ANKFN1: variants seen among roughly 807,000 people sequenced by gnomAD.
ANKFN1 encodes the protein ankyrin repeat and fibronectin type III domain containing 1.
Under a neutral mutation model 108.7 loss-of-function variants are expected in ANKFN1, and 74 were observed. That is an observed-to-expected ratio of 0.68 (90% CI 0.56 to 0.83). The LOEUF (loss-of-function observed/expected upper bound fraction) is 0.83, where lower values mean the gene tolerates loss of function less well. Among genes scored for constraint, ANKFN1 ranks in the 40% least tolerant of loss-of-function variants. The probability of loss-of-function intolerance (pLI) is 0.00; values close to 1 mark genes in which losing one functional copy is unlikely to be tolerated. For missense variants in ANKFN1, 1,505 were observed against 1,382.3 expected, an observed-to-expected ratio of 1.09 and a Z score of -1.41; for synonymous variants, 547 against 516.2, an observed-to-expected ratio of 1.06 and a Z score of -0.81.
At chr17:56,056,621 A>G (rs1232875056) in intron 4 of ANKFN1, among the ~76,000 whole-genome samples, 1 of 152,232 alleles carries the variant, frequency 6.6e-6, no homozygotes, top group African/African-American at 2.4e-5. Flanking sequence ...GGCTAGACAT[A>G]TGCAGAAGAA....
intron 19 of ANKFN1, among the ~76,000 whole-genome samples, chr17:56,493,912 A>G (rs1450273314): frequency 6.6e-6 from 1 of 152,148 alleles, no homozygotes; most frequent in Non-Finnish European, 1.5e-5. Flanking sequence ...CTCAGTCCCA[A>G]CAGTCCCAAT....
intron 1 of ANKFN1, among the ~76,000 whole-genome samples, chr17:56,187,412 C>T (rs539349341): frequency 1.3e-5 from 2 of 152,002 alleles, no homozygotes. Flanking sequence ...GTTAGAATGG[C>T]GATCATTAAA....
chr17:56,374,503 C>A, intron 7 of ANKFN1, 98 bp from the exon 8 acceptor site: 1 of 863,192 alleles, frequency 1.2e-6, no homozygotes, highest in Non-Finnish European at 1.9e-6. Flanking sequence ...ACAAATGTTT[C>A]CATAGTATTC....
chr17:56,479,126 A>G (rs2050610553), intron 16 of ANKFN1, among the ~76,000 whole-genome samples: 3 of 152,192 alleles, frequency 2.0e-5, no homozygotes, highest in Non-Finnish European at 4.4e-5. Context: ...TTGTGTCTTA[A>G]AGGCTTGAAC....
rs1260266795 is a variant in ANKFN1 at position 56,483,051 on chromosome 17, T to C, written c.2260+527T>C. ...ACAATTTTAAGTAGCACTGACTTAT[T>C]AAATAGACTCTAAATTTCTGACAGA... On this transcript the variant is annotated intron_variant, in intron 18 of 20. Coordinates refer to ENST00000682825, the MANE Select transcript of ANKFN1 (RefSeq NM_001370326.1). Among the ~76,000 whole-genome samples, 3 of 152,180 alleles carry C rather than the reference T, an allele frequency of 2.0e-5. No homozygotes were observed. The East Asian group carries it at 5.8e-4, about 29-fold the overall frequency.
chr17:56,149,456 T>C (rs1908464409), upstream of ANKFN1, among the ~76,000 whole-genome samples: 1 of 151,914 alleles, frequency 6.6e-6, no homozygotes. Context: ...TCTCAGGAGG[T>C]ACAGTCACAG....
rs1173100959 is a variant in ANKFN1, at chr17:56,188,545, A to ATGTGTGTGTGTG, written c.-70-24047_-70-24036dup. On this transcript the variant is annotated intron_variant, in intron 1 of 20. Transcript: ENST00000682825. Reference sequence around the variant, plus strand: ...ATATAAGAAATAAAATAAGATGTATATGTGTGTGTGTGTGTGTATGTGTGT... The same window carrying ATGTGTGTGTGTG: ...ATATAAGAAATAAAATAAGATGTATATGTGTGTGTGTGTGTGTGTGTGTGTGTGTATGTGTGT... 9.2e-5 allele frequency among the ~76,000 whole-genome samples: 8 copies of ATGTGTGTGTGTG among 87,244 alleles called. 1 individual carries two copies. Among genetic ancestry groups the ATGTGTGTGTGTG allele is most frequent in the African/African-American group, 4.1e-4 (8 of 19,554 alleles). 57.2% of individuals were successfully genotyped at this position (87,244 alleles called of 152,430 possible). A position where few individuals can be genotyped will look rare whatever the true frequency, so the allele number is the denominator to read the frequency against.
At chr17:56,049,047 G>A (rs1904728850) in intron 4 of ANKFN1, among the ~76,000 whole-genome samples, 1 of 152,238 alleles carries the variant, frequency 6.6e-6, no homozygotes, top group Non-Finnish European at 1.5e-5. Context: ...AAGGATTTCT[G>A]AATGTCAACC....
At chr17:56,333,046 G>A (rs1394912892) in intron 4 of ANKFN1, among the ~76,000 whole-genome samples, 1 of 151,016 alleles carries the variant, frequency 6.6e-6, no homozygotes, top group Admixed American at 6.6e-5. Flanking sequence ...TCAGCATCCA[G>A]GCTTTTCATA....
At chr17:56,184,254 C>T (rs190472167) in intron 1 of ANKFN1, among the ~76,000 whole-genome samples, 108 of 152,238 alleles carry the variant, frequency 7.1e-4, no homozygotes, top group African/African-American at 2.6e-3. Context: ...AATTACCATA[C>T]CCACTCCAGC....
chr17:56,212,722 A>G (rs1243394131), intron 2 of ANKFN1, among the ~76,000 whole-genome samples, 43 bp downstream of exon 2: 5 of 152,182 alleles, frequency 3.3e-5, no homozygotes, highest in Non-Finnish European at 2.9e-5. Context: ...GCAACTCCAT[A>G]CAAAAGAAAA....
chr17:56,465,256 A>T (rs866050604), intron 14 of ANKFN1, among the ~76,000 whole-genome samples: 6 of 152,232 alleles, frequency 3.9e-5, no homozygotes, highest in African/African-American at 1.4e-4. Context: ...TCGCAAAAAA[A>T]TCATAATCTT....
intron 3 of ANKFN1, among the ~76,000 whole-genome samples, chr17:56,231,759 CAA>C (rs1012833407): frequency 1.3e-5 from 2 of 152,134 alleles, no homozygotes; most frequent in Admixed American, 1.3e-4. Context: ...TACAATCCCC[CAA>C]ATTTCACGTA....
In ANKFN1 at chr17:56,480,736, A is replaced by T. The variant is rs772583639; in HGVS notation, c.2009A>T (p.Asp670Val). 1 of 1,614,028 alleles carries T rather than the reference A, an allele frequency of 6.2e-7. No homozygotes were observed. Among genetic ancestry groups the T allele is most frequent in the South Asian group, 1.1e-5 (1 of 91,066 alleles). ...ESMESVDHTSDCPMQLFFYEL... is the reference protein window; with the variant it reads ...ESMESVDHTSVCPMQLFFYEL... Reference sequence around the variant, plus strand: ...ATGGAAAGTGTGGATCATACTTCTGACTGCCCCATGCAATTGTTCTTCTAC... The same window carrying T: ...ATGGAAAGTGTGGATCATACTTCTGTCTGCCCCATGCAATTGTTCTTCTAC... Residue 670 changes from aspartate to valine, a missense_variant, in exon 17 of 21, where the codon GAC becomes GTC. Transcript: ENST00000682825.
chr17:56,450,362 C>T (rs762374186), intron 11 of ANKFN1, among the ~76,000 whole-genome samples: 1 of 152,190 alleles, frequency 6.6e-6, no homozygotes, highest in Non-Finnish European at 1.5e-5. Context: ...AAAGGTTGTT[C>T]CCAATTACTA....
At chr17:56,430,535 C>CACAT (rs1347541235) in intron 8 of ANKFN1, among the ~76,000 whole-genome samples, 1 of 150,308 alleles carries the variant, frequency 6.7e-6, no homozygotes, top group Non-Finnish European at 1.5e-5. Flanking sequence ...CACACACACA[C>CACAT]ACAAAGGTAA....
chr17:56,495,400 T>A (rs928923523), intron 19 of ANKFN1, among the ~76,000 whole-genome samples: 1 of 152,000 alleles, frequency 6.6e-6, no homozygotes, highest in Non-Finnish European at 1.5e-5. Context: ...CCATTGGTGT[T>A]CACAGCTCAG....
At chr17:56,330,428 G>A (rs1567918640) in intron 4 of ANKFN1, among the ~76,000 whole-genome samples, 4 of 152,256 alleles carry the variant, frequency 2.6e-5, no homozygotes, top group South Asian at 4.1e-4. Flanking sequence ...CTTGACATGT[G>A]GGGATTATTA....
At chr17:56,435,722 C>T (rs752493534) in intron 8 of ANKFN1, among the ~76,000 whole-genome samples, 7 of 150,340 alleles carry the variant, frequency 4.7e-5, no homozygotes, top group Non-Finnish European at 7.4e-5. Context: ...TAGGGAGAAT[C>T]TGCACAACAG....
Sources: allele counts gnomAD v4.1 joint callset (sites outside exome capture counted in the v4.1 genomes callset), GRCh38; gene constraint gnomAD v4.1.1; transcripts MANE v1.5; gene names NCBI Gene and HGNC (gene_info 2026-07-23, HGNC 2026-07-21).